ZNF624: variants seen among roughly 807,000 people sequenced by gnomAD.
The protein encoded by ZNF624 is zinc finger protein 624.
Under a neutral mutation model 74.7 loss-of-function variants are expected in ZNF624, and 43 were observed. The ratio of observed to expected loss-of-function variants is 0.58; its 90% CI spans 0.45 to 0.74. The LOEUF (loss-of-function observed/expected upper bound fraction) is 0.74, where lower values mean the gene tolerates loss of function less well. ZNF624 is among the 30% of genes least tolerant of loss of function. The probability of loss-of-function intolerance (pLI) is 0.00; values close to 1 mark genes in which losing one functional copy is unlikely to be tolerated. For missense variants in ZNF624, 820 were observed against 1,030.0 expected, an observed-to-expected ratio of 0.80 and a Z score of 2.79; for synonymous variants, 331 against 341.3, an observed-to-expected ratio of 0.97 and a Z score of 0.33.
downstream of ZNF624, chr17:16,617,350 A>G: frequency 6.2e-7 from 1 of 1,613,688 alleles, no homozygotes; most frequent in Non-Finnish European, 8.5e-7. Context: ...ATCTTCAATA[A>G]GCCTAATATT....
chr17:16,628,685 C>T (rs1909131711), intron 5 of ZNF624, among the ~76,000 whole-genome samples: 1 of 151,648 alleles, frequency 6.6e-6, no homozygotes, highest in Non-Finnish European at 1.5e-5. Context: ...ACAGATGTAA[C>T]CAGAGTCCTA....
At chr17:16,616,960 G>C, downstream of ZNF624, 1 of 1,589,040 alleles carries the variant, frequency 6.3e-7, no homozygotes, top group Admixed American at 1.7e-5. Flanking sequence ...CTTTCAGGGT[G>C]GACCAGGTAG....
intron 3 of ZNF624, among the ~76,000 whole-genome samples, chr17:16,643,146 C>G (rs1489467137): frequency 6.6e-6 from 1 of 152,158 alleles, no homozygotes; most frequent in Non-Finnish European, 1.5e-5. Context: ...ATAGAATTAT[C>G]ATATGATCCA....
chr17:16,652,186 T>C (rs1240840320), intron 1 of ZNF624, among the ~76,000 whole-genome samples: 1 of 152,154 alleles, frequency 6.6e-6, no homozygotes, highest in African/African-American at 2.4e-5. Context: ...AATCTGACCT[T>C]GTCCACAAAA....
intron 4 of ZNF624, 101 bp from the exon 5 acceptor site, chr17:16,634,058 CA>C (rs60858649): frequency 0.13 from 112,316 of 880,356 alleles, 8,947 homozygotes; most frequent in East Asian, 0.36. Context: ...ATGACCATTA[CA>C]GGAAGTTCTA....
intron 5 of ZNF624, among the ~76,000 whole-genome samples, chr17:16,633,500 GT>G (rs1303616101): frequency 2.6e-5 from 4 of 152,142 alleles, no homozygotes; most frequent in African/African-American, 9.7e-5. Context: ...GCATTTTCAG[GT>G]AAATGAGGGA....
At chr17:16,643,971 G>A (rs1211451251) in intron 3 of ZNF624, among the ~76,000 whole-genome samples, 1 of 152,084 alleles carries the variant, frequency 6.6e-6, no homozygotes, top group Non-Finnish European at 1.5e-5. Flanking sequence ...TGAATGCCTT[G>A]GTGCCATCCT....
downstream of ZNF624, chr17:16,617,651 G>A (rs1427622894): frequency 2.5e-6 from 4 of 1,606,920 alleles, no homozygotes; most frequent in East Asian, 4.5e-5. Context: ...TGTAGCTGTC[G>A]CGATTGCGAC....
intron 3 of ZNF624, among the ~76,000 whole-genome samples, chr17:16,641,792 C>A (rs978864007): frequency 6.6e-6 from 1 of 152,130 alleles, no homozygotes; most frequent in African/African-American, 2.4e-5. Flanking sequence ...ATTAGAATAA[C>A]CTAGTTCAGC....
intron 2 of ZNF624, 48 bp downstream of exon 2, chr17:16,649,610 T>G (rs1380800931): frequency 6.5e-7 from 1 of 1,549,606 alleles, no homozygotes; most frequent in Non-Finnish European, 8.9e-7. Context: ...AAAGTAAACA[T>G]GCTCTCAAAC....
chr17:16,648,755 CA>C (rs2142657092), intron 2 of ZNF624, among the ~76,000 whole-genome samples: 1 of 151,654 alleles, frequency 6.6e-6, no homozygotes, highest in African/African-American at 2.4e-5. Context: ...GACACTCAAA[CA>C]CACACACACA....
chr17:16,615,185 C>T, the ZNF624 span, among the ~76,000 whole-genome samples: 2 of 152,178 alleles, frequency 1.3e-5, no homozygotes, highest in South Asian at 4.1e-4. Context: ...GCAAGCTCCG[C>T]CTCCCGGGTT....
At chr17:16,650,354 T>C (rs970137499) in intron 1 of ZNF624, among the ~76,000 whole-genome samples, 4 of 151,798 alleles carry the variant, frequency 2.6e-5, no homozygotes, top group Admixed American at 6.6e-5. Flanking sequence ...GAATCTGATA[T>C]TCAAATAGAT....
At chr17:16,617,209 C>T (rs1486942069), downstream of ZNF624, 28 of 1,612,546 alleles carry the variant, frequency 1.7e-5, no homozygotes, top group South Asian at 2.3e-4. Flanking sequence ...CGACCTGGAA[C>T]GGGAGCGACT....
At position 16,623,675 on chromosome 17, in the gene ZNF624, G is replaced by GC. The variant is rs1908987532; in HGVS notation, c.1210dup (p.Ala404GlyfsTer10). 6.2e-7 allele frequency: 1 copy of GC among 1,608,684 alleles called. No homozygotes were observed. The highest frequency in any genetic ancestry group is 8.5e-7 in the Non-Finnish European group (1 of 1,178,396). Reference sequence around the variant, plus strand: ...ACCATTGTGAGTTTCCTGATGTCTTGCAAGTTTTGATTTATCACTAAAAGC... The same window carrying GC: ...ACCATTGTGAGTTTCCTGATGTCTTGCCAAGTTTTGATTTATCACTAAAAGC... On this transcript the variant is annotated frameshift_variant, in exon 6 of 6. Transcript: ENST00000311331. LOFTEE classifies it high-confidence loss of function. The surrounding 1 kb of genome is among the most constrained non-coding windows in gnomAD (Gnocchi z 5.3).
chr17:16,617,641 T>G (rs1908817619), downstream of ZNF624: 4 of 1,608,164 alleles, frequency 2.5e-6, no homozygotes, highest in East Asian at 8.9e-5. Flanking sequence ...CTTCCGTAGC[T>G]GTAGCTGTCG....
intron 5 of ZNF624, among the ~76,000 whole-genome samples, chr17:16,628,628 G>A (rs769640848): frequency 2.6e-5 from 4 of 152,054 alleles, no homozygotes; most frequent in South Asian, 2.1e-4. Context: ...ACTTGCAAAC[G>A]TTAGAAAAGC....
chr17:16,631,228 T>A (rs1246116603), intron 5 of ZNF624: 3 of 152,180 alleles, frequency 2.0e-5, no homozygotes, highest in Non-Finnish European at 4.4e-5. Flanking sequence ...ATGAAGATGC[T>A]ACATAAAAAA....
At chr17:16,642,742 G>A (rs532576136) in intron 3 of ZNF624, among the ~76,000 whole-genome samples, 2 of 152,262 alleles carry the variant, frequency 1.3e-5, no homozygotes, top group African/African-American at 4.8e-5. Flanking sequence ...ACCGAAGAAT[G>A]TAAGAAAATA....
Sources: gnomAD v4.1 joint callset for allele counts (sites outside exome capture counted in the v4.1 genomes callset) on GRCh38, gnomAD v4.1.1 for gene constraint, Gnocchi (gnomAD v3.1) non-coding constraint, MANE v1.5 for transcripts, NCBI Gene and HGNC (gene_info 2026-07-23, HGNC 2026-07-21) for gene names.